Variants in CHRM3 observed in about 807,000 individuals in gnomAD.
CHRM3 encodes the protein cholinergic receptor muscarinic 3.
CHRM3 carries 11 observed loss-of-function variants against 41.8 expected under a neutral mutation model. That is an observed-to-expected ratio of 0.26 (90% CI 0.17 to 0.44). The LOEUF (loss-of-function observed/expected upper bound fraction) is 0.44. CHRM3 is among the 20% of genes least tolerant of loss of function. The pLI is 1.00. For missense variants in CHRM3, 571 were observed against 745.4 expected, an observed-to-expected ratio of 0.77 and a Z score of 2.72; for synonymous variants, 297 against 301.4, an observed-to-expected ratio of 0.99 and a Z score of 0.15.
chr1:239,439,974 C>T (rs10159107), intron 1 of CHRM3, among the ~76,000 whole-genome samples: 3,291 of 150,052 alleles, frequency 0.022, 133 homozygotes, highest in African/African-American at 0.073. Context: ...CTGAGGCAGG[C>T]GGATCACGAG....
chr1:239,470,100 C>G (rs746827952), intron 1 of CHRM3, among the ~76,000 whole-genome samples: 2 of 152,090 alleles, frequency 1.3e-5, no homozygotes, highest in Non-Finnish European at 2.9e-5. Context: ...TGAGATCATC[C>G]TGGATTTAGG....
At chr1:239,513,393 T>C (rs948627385) in intron 2 of CHRM3, among the ~76,000 whole-genome samples, 9 of 152,226 alleles carry the variant, frequency 5.9e-5, no homozygotes, top group Non-Finnish European at 1.3e-4. Context: ...ATGATGTTTA[T>C]GTTTACAGGC....
chr1:239,814,624 A>G (rs1458998677), intron 5 of CHRM3, among the ~76,000 whole-genome samples: 4 of 152,150 alleles, frequency 2.6e-5, no homozygotes, highest in Non-Finnish European at 5.9e-5. Flanking sequence ...ACAAGTGATT[A>G]GTGACTATGC....
intron 3 of CHRM3, among the ~76,000 whole-genome samples, chr1:239,607,333 G>A (rs1317036291): frequency 2.0e-5 from 3 of 151,882 alleles, no homozygotes; most frequent in Non-Finnish European, 2.9e-5. Flanking sequence ...TATGGCAACT[G>A]CACAAAAAAA....
chr1:239,511,065 C>A (rs1472292970), intron 2 of CHRM3, among the ~76,000 whole-genome samples: 1 of 152,116 alleles, frequency 6.6e-6, no homozygotes, highest in African/African-American at 2.4e-5. Flanking sequence ...AAGAAAAGTA[C>A]CACAGGCAAA....
At chr1:239,579,498 T>G (rs532240259) in intron 3 of CHRM3, among the ~76,000 whole-genome samples, 2 of 152,304 alleles carry the variant, frequency 1.3e-5, no homozygotes, top group South Asian at 4.1e-4. Flanking sequence ...GACTATCACT[T>G]GTGGATTCTT....
intron 4 of CHRM3, among the ~76,000 whole-genome samples, chr1:239,661,291 T>C (rs908733322): frequency 2.6e-5 from 4 of 152,258 alleles, no homozygotes; most frequent in African/African-American, 7.2e-5. Flanking sequence ...GAGACCAAGC[T>C]GTCTGCTCCT....
At chr1:239,564,002 A>G (rs888490667) in intron 3 of CHRM3, among the ~76,000 whole-genome samples, 2 of 152,190 alleles carry the variant, frequency 1.3e-5, no homozygotes, top group African/African-American at 2.4e-5. Flanking sequence ...ATAGCAAAAA[A>G]TAATTTTTAG....
At chr1:239,505,321 C>T (rs1424628247) in intron 2 of CHRM3, among the ~76,000 whole-genome samples, 1 of 151,760 alleles carries the variant, frequency 6.6e-6, no homozygotes, top group Admixed American at 6.6e-5. Context: ...TATGGTTTGG[C>T]TTTGTCCCCA....
chr1:239,581,445 C>CGT (rs1394262037), intron 3 of CHRM3, among the ~76,000 whole-genome samples: 11 of 103,826 alleles, frequency 1.1e-4, no homozygotes, highest in African/African-American at 3.4e-4. Context: ...TGCTGAGTTG[C>CGT]GTGTGTGTGT....
chr1:239,711,301 C>G (rs1572060520), intron 5 of CHRM3, among the ~76,000 whole-genome samples: 1 of 151,988 alleles, frequency 6.6e-6, no homozygotes, highest in Non-Finnish European at 1.5e-5. Flanking sequence ...AACTTTGCAT[C>G]CTTTGAGTCC....
chr1:239,865,761 A>G (rs530924008), intron 6 of CHRM3, among the ~76,000 whole-genome samples: 4 of 152,334 alleles, frequency 2.6e-5, no homozygotes, highest in South Asian at 4.1e-4. Context: ...AAGAAGTGAC[A>G]TGATCAAAAC....
intron 2 of CHRM3, among the ~76,000 whole-genome samples, chr1:239,537,031 T>C (rs1469617536): frequency 6.6e-6 from 1 of 152,204 alleles, no homozygotes; most frequent in Non-Finnish European, 1.5e-5. Context: ...TCTCTATCTT[T>C]GAGTCTTCAG....
intron 1 of CHRM3, among the ~76,000 whole-genome samples, chr1:239,400,689 T>G (rs1659892175): frequency 6.6e-6 from 1 of 152,160 alleles, no homozygotes. Flanking sequence ...TTCTCCCAAG[T>G]GCGTTTGTTG....
At chr1:239,792,016 C>T (rs563415557) in intron 5 of CHRM3, among the ~76,000 whole-genome samples, 8 of 152,186 alleles carry the variant, frequency 5.3e-5, no homozygotes, top group Non-Finnish European at 1.2e-4. Context: ...GAGAAGGAGA[C>T]GCATTTGGAC....
chr1:239,859,438 T>TG, intron 6 of CHRM3, among the ~76,000 whole-genome samples: 1 of 150,676 alleles, frequency 6.6e-6, no homozygotes, highest in Non-Finnish European at 1.5e-5. Context: ...TTTTGTTTTT[T>TG]TTTTTGAGGT....
chr1:239,835,389 A>T (rs1013522715), intron 6 of CHRM3, among the ~76,000 whole-genome samples: 1 of 152,168 alleles, frequency 6.6e-6, no homozygotes, highest in Non-Finnish European at 1.5e-5. Context: ...CAAGCAACTG[A>T]TGAGTGCCCA....
intron 3 of CHRM3, among the ~76,000 whole-genome samples, chr1:239,585,653 A>G (rs1663327697): frequency 1.3e-5 from 2 of 152,196 alleles, no homozygotes; most frequent in South Asian, 2.1e-4. Context: ...TGGCAGGTAT[A>G]CTACTACTCT....
chr1:239,858,162 T>C (rs1034801498), intron 6 of CHRM3, among the ~76,000 whole-genome samples: 7 of 152,210 alleles, frequency 4.6e-5, no homozygotes, highest in Non-Finnish European at 1.0e-4. Context: ...ATTAAATCCA[T>C]TGACCAGTTT....
Sources: gnomAD v4.1 joint callset for allele counts (sites outside exome capture counted in the v4.1 genomes callset) on GRCh38, gnomAD v4.1.1 for gene constraint, MANE v1.5 for transcripts, NCBI Gene and HGNC (gene_info 2026-07-23, HGNC 2026-07-21) for gene names.